Variants in IL6ST observed in about 807,000 individuals in gnomAD.
The protein encoded by IL6ST is interleukin-6 receptor subunit beta.
Under a neutral mutation model 91.3 loss-of-function variants are expected in IL6ST, and 24 were observed. The observed-to-expected ratio is 0.26, with a 90% CI of 0.19 to 0.37. The LOEUF is 0.37. IL6ST is among the 10% of genes least tolerant of loss of function. IL6ST has a pLI of 1.00. For missense variants in IL6ST, 914 were observed against 1,078.5 expected (o/e 0.85, Z 2.14); for synonymous variants, 351 against 373.6 (o/e 0.94, Z 0.70).
chr5:55,975,224 T>C (rs1255059767), intron 3 of IL6ST, among the ~76,000 whole-genome samples: 2 of 152,122 alleles, frequency 1.3e-5, no homozygotes, highest in Non-Finnish European at 2.9e-5. Context: ...GATTAAATCA[T>C]AGGGGTGGAT....
chr5:55,959,599 G>C (rs1280209448), intron 8 of IL6ST: 2 of 1,199,570 alleles, frequency 1.7e-6, no homozygotes, highest in African/African-American at 3.1e-5. Flanking sequence ...ATTATCTATA[G>C]GAGAAAAAAG....
At position 55,937,179 on chromosome 5, in the gene IL6ST, CT is replaced by C. The variant is rs1436622907; in HGVS notation, c.*3902del. The C allele has an allele frequency of 1.3e-4, 27 of 213,120 alleles. No homozygotes were observed. The highest frequency in any genetic ancestry group is 5.6e-4 in the African/African-American group (25 of 44,336). 13.2% of individuals were successfully genotyped at this position (213,120 alleles called of 1,614,324 possible). A position where few individuals can be genotyped will look rare whatever the true frequency, so the allele number is the denominator to read the frequency against. ...TGTGTTCAAGAAATAAAAAAAACAT[CT>C]ATCACTATCGGCCTTAAATGCATCT... On this transcript the variant is annotated 3_prime_UTR_variant, in exon 17 of 17. Coordinates refer to ENST00000381298, the MANE Select transcript of IL6ST (RefSeq NM_002184.4).
intron 11 of IL6ST, among the ~76,000 whole-genome samples, 163 bp downstream of exon 11, chr5:55,954,647 G>C (rs1751848598): frequency 6.6e-6 from 1 of 152,200 alleles, no homozygotes; most frequent in East Asian, 1.9e-4. Flanking sequence ...CTGTAATTCA[G>C]AGAGGTTAAG....
rs1750874058 is a variant in IL6ST, at chr5:55,941,087, G to A, written c.2752C>T (p.Gln918Ter). The A allele has an allele frequency of 1.2e-6, 2 of 1,608,654 alleles. No individual in the cohort carries two copies. Among genetic ancestry groups the A allele is most frequent in the Non-Finnish European group, 1.7e-6 (2 of 1,176,744 alleles). The change falls in exon 17 of 17, where the codon CAG becomes TAG. Residue 918 changes from glutamine (Q) to a stop codon, truncating the protein, a stop_gained. Transcript: ENST00000381298. LOFTEE classifies it high-confidence loss of function. The stretch of plus-strand genomic sequence containing the variant: ...TAGCAGGAACTACTAGTCCTTCACT[G>A]AGGCATGTAGCCGCCTTGCCGTACA... The part of the protein sequence containing the change: ...QTVRQGGYMP[Q>*]
chr5:55,961,479 T>C (rs930862635), intron 7 of IL6ST, among the ~76,000 whole-genome samples: 1 of 152,058 alleles, frequency 6.6e-6, no homozygotes, highest in African/African-American at 2.4e-5. Flanking sequence ...GACAGCCGGC[T>C]GGGTGCGGTG....
At chr5:55,966,085 T>C (rs1467784024) in intron 5 of IL6ST, among the ~76,000 whole-genome samples, 1 of 152,196 alleles carries the variant, frequency 6.6e-6, no homozygotes. Flanking sequence ...AGGCAAGTTT[T>C]TCTTTAAGTA....
At chr5:55,955,955 T>C in intron 10 of IL6ST, 70 bp downstream of exon 10, 1 of 938,768 alleles carries the variant, frequency 1.1e-6, no homozygotes, top group South Asian at 1.4e-5. Flanking sequence ...GTGTTTTTTA[T>C]GGGAGCCCTG....
In IL6ST at chr5:55,974,150, T is replaced by C. The variant is rs148085933; in HGVS notation, c.64+2065A>G. Among the ~76,000 whole-genome samples the C allele has an allele frequency of 9.3e-4, 141 of 152,312 alleles. 1 individual carries two copies. Among genetic ancestry groups the C allele is most frequent in the African/African-American group, 3.2e-3 (131 of 41,564 alleles). On this transcript the variant is annotated intron_variant, in intron 3 of 16. Transcript: ENST00000381298. ...TATAAAAATGATGTTCAGATCAAAG[T>C]AAGTATGAGTGCCACTGTAGTCAGA...
intron 4 of IL6ST, 83 bp from the exon 5 acceptor site, chr5:55,968,479 G>A (rs544949372): frequency 1.1e-4 from 144 of 1,290,862 alleles, no homozygotes; most frequent in African/African-American, 7.9e-4. Context: ...AGGCATTTGC[G>A]ATCTAAATTA....
rs1750789236 is a variant in IL6ST at position 55,940,072 on chromosome 5, G to A, written c.*1010C>T. 1 of 196,274 alleles carries A rather than the reference G, an allele frequency of 5.1e-6. No individual in the cohort carries two copies. Among genetic ancestry groups the A allele is most frequent in the African/African-American group, 2.3e-5 (1 of 43,254 alleles). The allele number at this position is 196,274 out of a possible 1,614,324, so 12.2% of individuals were successfully genotyped here. A position where few individuals can be genotyped will look rare whatever the true frequency, so the allele number is the denominator to read the frequency against. On this transcript the variant is annotated 3_prime_UTR_variant, in exon 17 of 17. Transcript: ENST00000381298. ...CAAATTTAAGCTGAAGATATATACT[G>A]TATAAAGTGTTCATCTACCCAGTAC...
chr5:55,942,470 A>G (rs1750980622), intron 16 of IL6ST, among the ~76,000 whole-genome samples, 200 bp downstream of exon 16: 1 of 152,220 alleles, frequency 6.6e-6, no homozygotes, highest in African/African-American at 2.4e-5. Context: ...TAAAACCCCT[A>G]AAATATGTCA....
At chr5:55,973,264 C>CCG (rs952587509) in intron 3 of IL6ST, among the ~76,000 whole-genome samples, 2 of 135,844 alleles carry the variant, frequency 1.5e-5, no homozygotes, top group African/African-American at 7.0e-5. Flanking sequence ...TTATCCCATC[C>CCG]CACGTTTTTC....
At chr5:55,961,292 CT>C (rs1752298184) in intron 7 of IL6ST, among the ~76,000 whole-genome samples, 1 of 152,080 alleles carries the variant, frequency 6.6e-6, no homozygotes, top group South Asian at 2.1e-4. Flanking sequence ...TCAAGGAGGG[CT>C]TCATAAAGGG....
At position 55,938,034 on chromosome 5, in the gene IL6ST, T is replaced by A. The variant is rs1750645940; in HGVS notation, c.*3048A>T. 5.3e-6 allele frequency: 1 copy of A among 188,526 alleles called. No individual in the cohort carries two copies. The highest frequency in any genetic ancestry group is 8.5e-5 in the East Asian group (1 of 11,720). 11.7% of individuals were successfully genotyped at this position (188,526 alleles called of 1,614,324 possible). A position where few individuals can be genotyped will look rare whatever the true frequency, so the allele number is the denominator to read the frequency against. ...TAGTTAAATGGGTAGAAAAAAGACA[T>A]CTTTAATAATTGATTTCTATTTCTC... is the stretch of plus-strand genomic sequence containing the variant. On this transcript the variant is annotated 3_prime_UTR_variant, in exon 17 of 17. Coordinates refer to ENST00000381298, the MANE Select transcript of IL6ST (RefSeq NM_002184.4).
intron 5 of IL6ST, among the ~76,000 whole-genome samples, chr5:55,965,713 G>T (rs907398562): frequency 2.0e-5 from 3 of 151,776 alleles, no homozygotes; most frequent in Admixed American, 2.0e-4. Flanking sequence ...TGAATGAGCC[G>T]GGCGGGGTGG....
In IL6ST at chr5:55,935,932, A is replaced by G. The variant is rs1750499091; in HGVS notation, c.*5150T>C. 4.6e-6 allele frequency: 1 copy of G among 219,540 alleles called. No homozygotes were observed. Among genetic ancestry groups the G allele is most frequent in the Non-Finnish European group, 9.1e-6 (1 of 109,504 alleles). 13.6% of individuals were successfully genotyped at this position (219,540 alleles called of 1,614,324 possible). ...AAGATGAGCCACCACACCTTAAAGA[A>G]ATCAGGCTTGAGCCTATACAAGCCA... is the stretch of plus-strand genomic sequence containing the variant. On this transcript the variant is annotated 3_prime_UTR_variant, in exon 17 of 17. Coordinates refer to ENST00000381298, the MANE Select transcript of IL6ST (RefSeq NM_002184.4).
At chr5:55,977,266 T>A (rs572433367) in intron 2 of IL6ST, among the ~76,000 whole-genome samples, 1 of 152,054 alleles carries the variant, frequency 6.6e-6, no homozygotes, top group African/African-American at 2.4e-5. Flanking sequence ...GGAAATTCTT[T>A]TTTTTTTTAA....
chr5:55,986,349 G>A (rs1438488902), intron 1 of IL6ST, among the ~76,000 whole-genome samples: 1 of 152,016 alleles, frequency 6.6e-6, no homozygotes, highest in Non-Finnish European at 1.5e-5. Flanking sequence ...TTTACCACTG[G>A]TAACATTCTC....
At position 55,939,927 on chromosome 5, in the gene IL6ST, GGTTCT is replaced by G. The variant is rs1341717688; in HGVS notation, c.*1150_*1154del. On this transcript the variant is annotated 3_prime_UTR_variant, in exon 17 of 17. Coordinates refer to ENST00000381298, the MANE Select transcript of IL6ST (RefSeq NM_002184.4). ...TAAGAACAAGATGTACATTTTTTGG[GGTTCT>G]GTTTTGTTTTGGCAAATATTGCCCA... is the stretch of plus-strand genomic sequence containing the variant. The G allele has an allele frequency of 4.9e-6, 1 of 205,248 alleles. No individual in the cohort carries two copies. The highest frequency in any genetic ancestry group is 1.0e-5 in the Non-Finnish European group (1 of 100,380). 12.7% of individuals were successfully genotyped at this position (205,248 alleles called of 1,614,324 possible). A position where few individuals can be genotyped will look rare whatever the true frequency, so the allele number is the denominator to read the frequency against.
Sources: allele counts gnomAD v4.1 joint callset (sites outside exome capture counted in the v4.1 genomes callset), GRCh38; gene constraint gnomAD v4.1.1; transcripts MANE v1.5; gene names NCBI Gene and HGNC (gene_info 2026-07-23, HGNC 2026-07-21).